FEZF2: variants seen among roughly 807,000 people sequenced by gnomAD.
The protein encoded by FEZF2 is FEZ family zinc finger 2.
FEZF2 carries 2 observed loss-of-function variants against 32.8 expected under a neutral mutation model. The ratio of observed to expected loss-of-function variants is 0.06; its 90% confidence interval spans 0.02 to 0.19. The LOEUF (loss-of-function observed/expected upper bound fraction) is 0.19, where lower values mean the gene tolerates loss of function less well. Ranked by LOEUF, FEZF2 falls within the 10% of genes least tolerant of loss-of-function variation. The pLI is 1.00. For synonymous variants in FEZF2, 322 were observed against 284.8 expected (o/e 1.13, Z -1.32); for missense variants, 516 against 625.4 (o/e 0.83, Z 1.87).
intron 4 of FEZF2, 50 bp downstream of exon 4, chr3:62,371,167 C>A: frequency 1.2e-6 from 2 of 1,613,722 alleles, no homozygotes; most frequent in Non-Finnish European, 1.7e-6. Flanking sequence ...CCAGCCGCGA[C>A]CCGAGTCCTG....
chr3:62,371,161 C>T (rs1704263209), intron 4 of FEZF2, 56 bp downstream of exon 4: 1 of 1,612,998 alleles, frequency 6.2e-7, no homozygotes, highest in Admixed American at 1.7e-5. Flanking sequence ...TGCCAGCCAG[C>T]CGCGACCCGA....
chr3:62,372,536 G>T lies in FEZF2; in HGVS notation c.333C>A (p.Gly111=), dbSNP rs1407805818. 2.3e-6 allele frequency: 3 copies of T among 1,313,492 alleles called. No homozygotes were observed. The highest frequency in any genetic ancestry group is 2.9e-6 in the Non-Finnish European group (3 of 1,031,664). 81.4% of individuals were successfully genotyped at this position (1,313,492 alleles called of 1,614,324 possible). A position where few individuals can be genotyped will look rare whatever the true frequency, so the allele number is the denominator to read the frequency against. Reference sequence around the variant, plus strand: ...CTGGGGCCCCCCCGCCGCCGCCGCCGCCACCGCCGCCGCCGCCTCCGCCGC... The same window carrying T: ...CTGGGGCCCCCCCGCCGCCGCCGCCTCCACCGCCGCCGCCGCCTCCGCCGC... The part of the protein sequence containing the change: ...AGGGGGGGGG[G]GGGGGGAPVC... The change falls in exon 2 of 5, where the codon GGC becomes GGA. Residue 111 remains glycine, a synonymous_variant. Transcript: ENST00000283268. This position sits in a 1 kb window ranked among gnomAD's most constrained non-coding sequence, Gnocchi z 9.6.
rs771344726 is a variant in FEZF2 at position 62,371,681 on chromosome 3, TG to T, written c.853-15del. 1.2e-6 allele frequency: 2 copies of T among 1,601,070 alleles called. No individual in the cohort carries two copies. Among genetic ancestry groups the T allele is most frequent in the Non-Finnish European group, 1.7e-6 (2 of 1,172,076 alleles). On this transcript the variant is annotated splice_polypyrimidine_tract_variant and intron_variant, in intron 2 of 4. Transcript: ENST00000283268. ...AGCGTTAAACACCTATGGAAAGACATGGGGGGCCTTGTGGTGCGTCTGTCCG... is the reference window on the plus strand; with the variant it reads ...AGCGTTAAACACCTATGGAAAGACATGGGGGCCTTGTGGTGCGTCTGTCCG...
In FEZF2 at chr3:62,372,296, G is replaced by A; in HGVS notation, c.573C>T (p.Phe191=). ...CCTGCGCATTGAGGAGGCCAGACGG[G>A]AAGAGGTGGCCGCTGAGGAGCTCAG... ...PPSELLSGHL[F]PSGLLNAQAP... is the part of the protein sequence containing the mutation. The change falls in exon 2 of 5, where the codon TTC becomes TTT. Residue 191 remains phenylalanine, a synonymous_variant. Coordinates refer to ENST00000283268, the MANE Select transcript of FEZF2 (RefSeq NM_018008.4). The surrounding 1 kb of genome is among the most constrained non-coding windows in gnomAD (Gnocchi z 9.6). 1.9e-6 allele frequency: 3 copies of A among 1,605,444 alleles called. No individual in the cohort carries two copies. The highest frequency in any genetic ancestry group is 2.5e-6 in the Non-Finnish European group (3 of 1,176,926).
rs1704243806 is a variant in FEZF2 at position 62,369,781 on chromosome 3, G to C, written c.*302C>G. 2.8e-6 allele frequency: 1 copy of C among 357,408 alleles called. No individual in the cohort carries two copies. Among genetic ancestry groups the C allele is most frequent in the Admixed American group, 4.4e-5 (1 of 22,714 alleles). 22.1% of individuals were successfully genotyped at this position (357,408 alleles called of 1,614,324 possible). On this transcript the variant is annotated 3_prime_UTR_variant, in exon 5 of 5. Coordinates refer to ENST00000283268, the MANE Select transcript of FEZF2 (RefSeq NM_018008.4). This position sits in a 1 kb window ranked among gnomAD's most constrained non-coding sequence, Gnocchi z 4.2. The stretch of plus-strand genomic sequence containing the variant: ...GGCTAGGGGCGCCGCGCTCTTCTGG[G>C]GCGCTCACGGTGACAGGCTGGGGTT...
In FEZF2 at chr3:62,370,065, A is replaced by AG. The variant is rs751887804; in HGVS notation, c.*17dup. The AG allele has an allele frequency of 4.3e-6, 7 of 1,610,646 alleles. No homozygotes were observed. The highest frequency in any genetic ancestry group is 1.3e-5 in the African/African-American group (1 of 74,826). On this transcript the variant is annotated 3_prime_UTR_variant, in exon 5 of 5. Coordinates refer to ENST00000283268, the MANE Select transcript of FEZF2 (RefSeq NM_018008.4). The surrounding 1 kb of genome is among the most constrained non-coding windows in gnomAD (Gnocchi z 4.2). ...TTCAGGTGGTACAGGGAGGGAAGGAAGGGCAAGGCAGTAGCTCTCAGCTCT... is the reference window on the plus strand; with the variant it reads ...TTCAGGTGGTACAGGGAGGGAAGGAAGGGGCAAGGCAGTAGCTCTCAGCTCT...
At position 62,369,991 on chromosome 3, in the gene FEZF2, G is replaced by GTT. The variant is rs3215030; in HGVS notation, c.*90_*91dup. The GTT allele has an allele frequency of 6.1e-3, 8,032 of 1,319,324 alleles. No homozygotes were observed. The highest frequency in any genetic ancestry group is 6.7e-3 in the Non-Finnish European group (6,575 of 984,172). The allele number at this position is 1,319,324 out of a possible 1,614,324, so 81.7% of individuals were successfully genotyped here. On this transcript the variant is annotated 3_prime_UTR_variant, in exon 5 of 5. Transcript: ENST00000283268. The surrounding 1 kb of genome is among the most constrained non-coding windows in gnomAD (Gnocchi z 4.2). ...AATAGATTTTAGCCTCTCTGCTATA[G>GTT]TTTTTTTTTCTTTTAATTTTAGAAA...
rs1318281859 is a variant in FEZF2, at chr3:62,372,770, C to T, written c.99G>A (p.Glu33=). ...GCTCCGACGTCTTGGCCATGATGCG[C>T]TCGATGGAAAAGGCCAGTGTCTTGG... ...ATSKTLAFSI[E]RIMAKTSEPR... is the part of the protein sequence containing the mutation. The change falls in exon 2 of 5, where the codon GAG becomes GAA. Residue 33 remains glutamate (E), a synonymous_variant. Coordinates refer to ENST00000283268, the MANE Select transcript of FEZF2 (RefSeq NM_018008.4). The surrounding 1 kb of genome is among the most constrained non-coding windows in gnomAD (Gnocchi z 9.6). 1 of 1,599,712 alleles carries T rather than the reference C, an allele frequency of 6.3e-7. No homozygotes were observed.
In FEZF2 at chr3:62,372,146, C is replaced by T. The variant is rs753383655; in HGVS notation, c.723G>A (p.Pro241=). 3.8e-6 allele frequency: 6 copies of T among 1,593,930 alleles called. No homozygotes were observed. The African/African-American group carries it at 6.7e-5, about 18-fold the overall frequency. Residue 241 remains proline (P), a synonymous_variant, in exon 2 of 5, where the codon CCG becomes CCA. Transcript: ENST00000283268. This position sits in a 1 kb window ranked among gnomAD's most constrained non-coding sequence, Gnocchi z 9.6. ...AGTTTTCCTTCAGTACCTGCTCCAGCGGCGCCGGCAAGCGCTCCTTATGGG... is the reference window on the plus strand; with the variant it reads ...AGTTTTCCTTCAGTACCTGCTCCAGTGGCGCCGGCAAGCGCTCCTTATGGG... The part of the protein sequence containing the change: ...PYPHKERLPA[P]LEQVLKENSA...
At position 62,370,444 on chromosome 3, in the gene FEZF2, G is replaced by A. The variant is rs1056884207; in HGVS notation, c.1121-102C>T. 86 of 1,263,338 alleles carry A rather than the reference G, an allele frequency of 6.8e-5. 1 individual carries two copies. Among genetic ancestry groups the A allele is most frequent in the Middle Eastern group, 5.6e-4 (2 of 3,600 alleles). 78.3% of individuals were successfully genotyped at this position (1,263,338 alleles called of 1,614,324 possible). Reference sequence around the variant, plus strand: ...CAGCCCAGGTGCCTGCTCAAAAAAGGCGACGCTTGGCTAGGCGGGCGCGAC... The same window carrying A: ...CAGCCCAGGTGCCTGCTCAAAAAAGACGACGCTTGGCTAGGCGGGCGCGAC... On this transcript the variant is annotated intron_variant, in intron 4 of 4. Transcript: ENST00000283268. This position sits in a 1 kb window ranked among gnomAD's most constrained non-coding sequence, Gnocchi z 4.2.
Position 62,372,724 on chromosome 3 carries a change from G to C in FEZF2, c.145C>G (p.Arg49Gly). The C allele has an allele frequency of 8.1e-6, 13 of 1,609,024 alleles. No individual in the cohort carries two copies. The highest frequency in any genetic ancestry group is 1.0e-5 in the Non-Finnish European group (12 of 1,177,678). The change falls in exon 2 of 5, where the codon CGG (arginine) becomes GGG (glycine). Residue 49 changes from arginine to glycine, a missense_variant. By Grantham distance (125) the Arg-to-Gly change is moderately radical (BLOSUM62 -2). Coordinates refer to ENST00000283268, the MANE Select transcript of FEZF2 (RefSeq NM_018008.4). The surrounding 1 kb of genome is among the most constrained non-coding windows in gnomAD (Gnocchi z 9.6). ...TSEPRAPFEP[R>G]PGALEADGSQ... ...CCGTCCGCCTCTAGCGCTCCAGGCC[G>C]GGGCTCAAAGGGCGCACGGGGCTCC...
At position 62,372,700 on chromosome 3, in the gene FEZF2, C is replaced by A; in HGVS notation, c.169G>T (p.Gly57Cys). The change falls in exon 2 of 5, where the codon GGC (glycine) becomes TGC (cysteine). Residue 57 changes from glycine to cysteine, a missense_variant. Coordinates refer to ENST00000283268, the MANE Select transcript of FEZF2 (RefSeq NM_018008.4). This position sits in a 1 kb window ranked among gnomAD's most constrained non-coding sequence, Gnocchi z 9.6. ...EPRPGALEAD[G>C]SQGKKLLNLC... ...TTGAGCAGTTTCTTGCCCTGGCTGC[C>A]GTCCGCCTCTAGCGCTCCAGGCCGG... 1 of 1,608,492 alleles carries A rather than the reference C, an allele frequency of 6.2e-7. No individual in the cohort carries two copies. The highest frequency in any genetic ancestry group is 2.2e-5 in the East Asian group (1 of 44,446).
At chr3:62,371,697 G>T (rs757185325) in intron 2 of FEZF2, 30 bp from the exon 3 acceptor site, 4 of 1,590,884 alleles carry the variant, frequency 2.5e-6, no homozygotes, top group Non-Finnish European at 3.4e-6. Context: ...GCCTTGTGGT[G>T]CGTCTGTCCG....
rs768624699 is a variant in FEZF2 at position 62,372,407 on chromosome 3, C to T, written c.462G>A (p.Pro154=). The T allele has an allele frequency of 6.2e-7, 1 of 1,611,194 alleles. No individual in the cohort carries two copies. Among genetic ancestry groups the T allele is most frequent in the South Asian group, 1.1e-5 (1 of 90,916 alleles). The change falls in exon 2 of 5, where the codon CCG becomes CCA. Residue 154 remains proline, a synonymous_variant. Transcript: ENST00000283268. The surrounding 1 kb of genome is among the most constrained non-coding windows in gnomAD (Gnocchi z 9.6). ...SALPAGRVIK[P]QVINQAVGLP... is the part of the protein sequence containing the mutation. ...GCCCCACAGCCTGGTTGATGACCTG[C>T]GGCTTGATGACCCTGCCCGCGGGCA...
chr3:62,372,875 C>G lies in FEZF2; in HGVS notation c.-7G>C. On this transcript the variant is annotated 5_prime_UTR_variant, in exon 2 of 5. Transcript: ENST00000283268. This position sits in a 1 kb window ranked among gnomAD's most constrained non-coding sequence, Gnocchi z 9.6. ...GGGAAGCCGAGCTTGCCATGGCGCG[C>G]GGAGCTGAGCCGAGCCAGGCTGGGC... 5 of 1,401,786 alleles carry G rather than the reference C, an allele frequency of 3.6e-6. No individual in the cohort carries two copies. Among genetic ancestry groups the G allele is most frequent in the South Asian group, 1.6e-5 (1 of 63,928 alleles). 86.8% of individuals were successfully genotyped at this position (1,401,786 alleles called of 1,614,324 possible). A position where few individuals can be genotyped will look rare whatever the true frequency, so the allele number is the denominator to read the frequency against.
At position 62,372,665 on chromosome 3, in the gene FEZF2, C is replaced by A. The variant is rs1478514845; in HGVS notation, c.204G>T (p.Ser68=). 6.2e-7 allele frequency: 1 copy of A among 1,607,382 alleles called. No homozygotes were observed. The highest frequency in any genetic ancestry group is 2.3e-5 in the East Asian group (1 of 44,284). The change falls in exon 2 of 5, where the codon TCG becomes TCT. Residue 68 remains serine (S), a synonymous_variant. Coordinates refer to ENST00000283268, the MANE Select transcript of FEZF2 (RefSeq NM_018008.4). The surrounding 1 kb of genome is among the most constrained non-coding windows in gnomAD (Gnocchi z 9.6). ...GGAGGGGGATCATACAGGGCAGCGGCGAGCAGAGGTTGAGCAGTTTCTTGC... is the reference window on the plus strand; with the variant it reads ...GGAGGGGGATCATACAGGGCAGCGGAGAGCAGAGGTTGAGCAGTTTCTTGC... ...SQGKKLLNLC[S]PLPCMIPLQP...
At chr3:62,371,439 G>T (rs1704267678) in intron 3 of FEZF2, 90 bp from the exon 4 acceptor site, 1 of 1,579,528 alleles carries the variant, frequency 6.3e-7, no homozygotes, top group African/African-American at 1.3e-5. Flanking sequence ...AACCCTAGAG[G>T]GTAAGGGATA....
chr3:62,372,101 G>T lies in FEZF2; in HGVS notation c.768C>A (p.Arg256=). 6.2e-7 allele frequency: 1 copy of T among 1,605,086 alleles called. No homozygotes were observed. Residue 256 remains arginine, a synonymous_variant, in exon 2 of 5, where the codon CGC becomes CGA. Transcript: ENST00000283268. The surrounding 1 kb of genome is among the most constrained non-coding windows in gnomAD (Gnocchi z 9.6). ...GCTTGCTGTGGCCCTTGACGCCTCC[G>T]CGCTCGGCAGTCAGGGCCGAGTTTT... ...LKENSALTAE[R]GGVKGHSKLP...
rs868361869 is a variant in FEZF2, at chr3:62,372,457, C to G, written c.412G>C (p.Glu138Gln). The G allele has an allele frequency of 1.2e-6, 2 of 1,602,840 alleles. No individual in the cohort carries two copies. Among genetic ancestry groups the G allele is most frequent in the Non-Finnish European group, 1.7e-6 (2 of 1,176,318 alleles). The change falls in exon 2 of 5, where the codon GAG becomes CAG. Residue 138 changes from glutamate to glutamine, a missense_variant. Glu to Gln is a conservative substitution (Grantham distance 29). Transcript: ENST00000283268. This position sits in a 1 kb window ranked among gnomAD's most constrained non-coding sequence, Gnocchi z 9.6. ...AGCGCGGACGGCGCCAGGCCCAGCT[C>G]GGCCTTGCAGCACACGCCACAGTTG... ...KTNCGVCCKAELGLAPSALPA... is the reference protein window; with the variant it reads ...KTNCGVCCKAQLGLAPSALPA...
Sources: gnomAD v4.1 joint callset for allele counts on GRCh38, gnomAD v4.1.1 for gene constraint, Gnocchi (gnomAD v3.1) non-coding constraint, MANE v1.5 for transcripts, NCBI Gene and HGNC (gene_info 2026-07-23, HGNC 2026-07-21) for gene names.